The following BLOC1S5 variants were observed in gnomAD, a reference collection of about 807,000 sequenced individuals.
BLOC1S5 encodes the protein biogenesis of lysosome-related organelles complex 1 subunit 5.
In BLOC1S5, 27 loss-of-function variants were observed where a neutral mutation model predicts 24.3. That is an observed-to-expected ratio of 1.11 (90% confidence interval 0.82 to 1.53). BLOC1S5 has a LOEUF of 1.53. Among genes scored for constraint, BLOC1S5 ranks in the 40% most tolerant of loss-of-function variants. The pLI, the probability that BLOC1S5 is intolerant of heterozygous loss-of-function variation, is 0.00. For missense variants in BLOC1S5, 239 were observed against 229.4 expected (o/e 1.04, Z -0.27); for synonymous variants, 84 against 74.5 (o/e 1.13, Z -0.66).
intron 2 of BLOC1S5, among the ~76,000 whole-genome samples, chr6:8,061,749 C>T (rs916376815): frequency 1.3e-5 from 2 of 152,226 alleles, no homozygotes; most frequent in Non-Finnish European, 2.9e-5. Context: ...ACCATCCCAA[C>T]AGCAGTTTGA....
chr6:8,057,174 G>A (rs1314695885), intron 2 of BLOC1S5, among the ~76,000 whole-genome samples: 1 of 151,936 alleles, frequency 6.6e-6, no homozygotes, highest in African/African-American at 2.4e-5. Flanking sequence ...AGTCGAGATC[G>A]CACCATTGTA....
intron 4 of BLOC1S5, among the ~76,000 whole-genome samples, chr6:8,019,889 A>T (rs1561853703): frequency 6.6e-6 from 1 of 152,228 alleles, no homozygotes; most frequent in Non-Finnish European, 1.5e-5. Context: ...GTCACAAGTT[A>T]GAAAATGAAA....
intron 1 of BLOC1S5, among the ~76,000 whole-genome samples, 182 bp downstream of exon 1, chr6:8,064,079 CTGGT>C (rs1163202295): frequency 3.9e-5 from 6 of 152,168 alleles, no homozygotes; most frequent in African/African-American, 1.4e-4. Flanking sequence ...AAGAGTTGGG[CTGGT>C]TGGTTGTGGT....
intron 4 of BLOC1S5, among the ~76,000 whole-genome samples, chr6:8,024,001 T>C (rs1004076660): frequency 2.0e-5 from 3 of 152,226 alleles, no homozygotes; most frequent in African/African-American, 7.2e-5. Context: ...AAAGAATTTT[T>C]ACTTTGAGCA....
At chr6:8,020,977 T>C (rs1330421427) in intron 4 of BLOC1S5, among the ~76,000 whole-genome samples, 1 of 152,134 alleles carries the variant, frequency 6.6e-6, no homozygotes, top group Admixed American at 6.5e-5. Context: ...TTATGCATAA[T>C]AGCCAAAGGT....
chr6:8,059,776 T>C (rs1764451622), intron 2 of BLOC1S5, among the ~76,000 whole-genome samples: 1 of 152,218 alleles, frequency 6.6e-6, no homozygotes, highest in African/African-American at 2.4e-5. Context: ...CAATTGGTCT[T>C]GTGTTGGTCA....
intron 4 of BLOC1S5, among the ~76,000 whole-genome samples, chr6:8,020,699 G>C (rs1041157398): frequency 6.6e-6 from 1 of 152,096 alleles, no homozygotes; most frequent in Non-Finnish European, 1.5e-5. Context: ...TTTTACACTG[G>C]CATTGTTTTG....
chr6:8,023,879 C>T (rs1274348577), intron 4 of BLOC1S5, among the ~76,000 whole-genome samples: 2 of 152,014 alleles, frequency 1.3e-5, no homozygotes, highest in Non-Finnish European at 2.9e-5. Flanking sequence ...GGGTTTGAAA[C>T]CTCTGCCATG....
chr6:8,031,321 C>T (rs561409802), intron 3 of BLOC1S5, among the ~76,000 whole-genome samples: 1 of 152,162 alleles, frequency 6.6e-6, no homozygotes, highest in African/African-American at 2.4e-5. Flanking sequence ...AGGAGCACTG[C>T]TATACACCAA....
At chr6:8,062,439 TA>T in intron 2 of BLOC1S5, 94 bp downstream of exon 2, 1 of 791,472 alleles carries the variant, frequency 1.3e-6, no homozygotes, top group Non-Finnish European at 2.0e-6. Flanking sequence ...ACACATGAAC[TA>T]AAATCCGATT....
At chr6:8,023,566 G>A (rs1048134714) in intron 4 of BLOC1S5, among the ~76,000 whole-genome samples, 1 of 150,892 alleles carries the variant, frequency 6.6e-6, no homozygotes, top group Non-Finnish European at 1.5e-5. Context: ...CTCCATCCTG[G>A]GTGACGGAGT....
rs1763670023 is a variant in BLOC1S5, at chr6:8,041,260, A to G, written c.204T>C (p.Arg68=). ...RYFVKEFEEK[R]GLREMRVLEN... ...CAAGAACTCGCATTTCTCGAAGACC[A>G]CGTTTTTCCTATTAAAAGAAAGTAG... Residue 68 remains arginine (R), a synonymous_variant, in exon 3 of 5, where the codon CGT becomes CGC. Coordinates refer to ENST00000397457, the MANE Select transcript of BLOC1S5 (RefSeq NM_201280.3). 6.3e-7 allele frequency: 1 copy of G among 1,597,720 alleles called. No homozygotes were observed. The highest frequency in any genetic ancestry group is 1.4e-5 in the African/African-American group (1 of 73,258).
intron 3 of BLOC1S5, among the ~76,000 whole-genome samples, chr6:8,029,557 C>A (rs1763227373): frequency 6.6e-6 from 1 of 152,176 alleles, no homozygotes; most frequent in African/African-American, 2.4e-5. Flanking sequence ...GAGAGAGGTG[C>A]CACTTCCACC....
intron 4 of BLOC1S5, among the ~76,000 whole-genome samples, chr6:8,025,326 GTCCCCAGCCCTGCCTGCCT>G (rs138184950): frequency 0.019 from 2,858 of 152,230 alleles, 86 homozygotes; most frequent in African/African-American, 0.065. Context: ...GTCCACTTAC[GTCCCCAGCCCTGCCTGCCT>G]TTCCAGCACT....
chr6:8,030,816 G>A (rs1489039923), intron 3 of BLOC1S5, among the ~76,000 whole-genome samples: 2 of 143,902 alleles, frequency 1.4e-5, no homozygotes, highest in Non-Finnish European at 3.0e-5. Flanking sequence ...AGGTTGCAGT[G>A]AGCCAAGATC....
chr6:8,025,970 T>C (rs892767817), intron 4 of BLOC1S5, among the ~76,000 whole-genome samples: 13 of 152,196 alleles, frequency 8.5e-5, no homozygotes, highest in African/African-American at 2.4e-4. Flanking sequence ...TGGCTATTCA[T>C]TAAATAACCT....
At chr6:8,046,603 A>G (rs2113576072) in intron 2 of BLOC1S5, among the ~76,000 whole-genome samples, 1 of 152,322 alleles carries the variant, frequency 6.6e-6, no homozygotes, top group South Asian at 2.1e-4. Flanking sequence ...GTTGTGAGAG[A>G]ATAATATAAC....
chr6:8,023,933 A>C (rs1263300255), intron 4 of BLOC1S5, among the ~76,000 whole-genome samples: 1 of 152,220 alleles, frequency 6.6e-6, no homozygotes, highest in East Asian at 1.9e-4. Flanking sequence ...AAACAGAAAA[A>C]GAAAAAGAAA....
intron 3 of BLOC1S5, among the ~76,000 whole-genome samples, chr6:8,040,188 T>A (rs1051464625): frequency 7.9e-5 from 12 of 152,212 alleles, no homozygotes; most frequent in African/African-American, 2.9e-4. Context: ...GTTCCTCCAA[T>A]TATTATTGGA....
Sources: allele counts gnomAD v4.1 joint callset (sites outside exome capture counted in the v4.1 genomes callset), GRCh38; gene constraint gnomAD v4.1.1; transcripts MANE v1.5; gene names NCBI Gene and HGNC (gene_info 2026-07-23, HGNC 2026-07-21).